Variants in TTC28 observed in about 807,000 individuals in gnomAD.
The protein encoded by TTC28 is tetratricopeptide repeat domain 28.
A neutral mutation model predicts 198.0 loss-of-function variants in TTC28; 61 were observed. The observed-to-expected ratio is 0.31, with a 90% CI of 0.25 to 0.38. The LOEUF is 0.38. Ranked by LOEUF, TTC28 falls within the 10% of genes least tolerant of loss-of-function variation. The pLI, the probability that TTC28 is intolerant of heterozygous loss-of-function variation, is 1.00. For missense variants in TTC28, 2,678 were observed against 3,164.0 expected, an observed-to-expected ratio of 0.85 and a Z score of 3.69; for synonymous variants, 1,171 against 1,297.8, an observed-to-expected ratio of 0.90 and a Z score of 2.10.
intron 12 of TTC28, among the ~76,000 whole-genome samples, chr22:28,031,300 C>CA (rs1347366391): frequency 1.3e-5 from 2 of 152,172 alleles, no homozygotes; most frequent in Admixed American, 1.3e-4. Context: ...GTTGAGCCCT[C>CA]ACCTATCCTA....
intron 2 of TTC28, among the ~76,000 whole-genome samples, chr22:28,389,840 C>T (rs2046685123): frequency 6.6e-6 from 1 of 151,570 alleles, no homozygotes; most frequent in Non-Finnish European, 1.5e-5. Context: ...GTCTCTATTA[C>T]CTTCAGTTCT....
chr22:28,582,854 G>T (rs1196174310), intron 2 of TTC28, among the ~76,000 whole-genome samples: 8 of 152,150 alleles, frequency 5.3e-5, no homozygotes, highest in Admixed American at 5.2e-4. Flanking sequence ...AATGAGAAAT[G>T]ATCAGTATAA....
At chr22:28,636,050 T>A (rs2051264516) in intron 1 of TTC28, among the ~76,000 whole-genome samples, 1 of 151,970 alleles carries the variant, frequency 6.6e-6, no homozygotes, top group Non-Finnish European at 1.5e-5. Context: ...GATCATACAG[T>A]ATTTGTCTTT....
At chr22:28,149,690 TCTC>T (rs1176290326) in intron 6 of TTC28, among the ~76,000 whole-genome samples, 5 of 152,084 alleles carry the variant, frequency 3.3e-5, no homozygotes. Context: ...GGAGCTATCA[TCTC>T]CTATGATAAC....
chr22:28,565,010 T>G (rs562621255), intron 2 of TTC28, among the ~76,000 whole-genome samples: 1 of 151,568 alleles, frequency 6.6e-6, no homozygotes, highest in African/African-American at 2.4e-5. Context: ...GGAAGGGAAG[T>G]TGACCAATAG....
At chr22:28,063,724 C>T (rs1437427991) in intron 12 of TTC28, among the ~76,000 whole-genome samples, 1 of 152,052 alleles carries the variant, frequency 6.6e-6, no homozygotes, top group Non-Finnish European at 1.5e-5. Context: ...ACTCCAACTT[C>T]CCATCCACAC....
intron 17 of TTC28, among the ~76,000 whole-genome samples, chr22:27,995,424 C>T (rs548714420): frequency 7.2e-5 from 11 of 152,330 alleles, no homozygotes; most frequent in African/African-American, 2.6e-4. Context: ...TGATTTGAAA[C>T]GGCCTTCCAG....
intron 2 of TTC28, among the ~76,000 whole-genome samples, chr22:28,314,492 C>A (rs976619602): frequency 2.0e-5 from 3 of 152,292 alleles, no homozygotes; most frequent in Middle Eastern, 3.4e-3. Context: ...ACCAAAACAG[C>A]ATGGTACTGG....
At chr22:28,623,243 C>A (rs1421102898) in intron 2 of TTC28, among the ~76,000 whole-genome samples, 4 of 152,152 alleles carry the variant, frequency 2.6e-5, no homozygotes, top group African/African-American at 9.7e-5. Flanking sequence ...TGCACCACCA[C>A]ACCCAGGTCA....
intron 5 of TTC28, among the ~76,000 whole-genome samples, chr22:28,290,912 T>TACAC (rs141591446): frequency 6.7e-6 from 1 of 149,606 alleles, no homozygotes; most frequent in African/African-American, 2.5e-5. Context: ...AAAACACACA[T>TACAC]ACACACACAC....
intron 2 of TTC28, among the ~76,000 whole-genome samples, chr22:28,320,718 A>G (rs1474362409): frequency 6.6e-6 from 1 of 152,186 alleles, no homozygotes; most frequent in Non-Finnish European, 1.5e-5. Flanking sequence ...CCAAAAGTCA[A>G]TCTAAGAGAG....
At chr22:28,098,888 G>A (rs1569137604) in intron 10 of TTC28, 27 bp downstream of exon 10, 1 of 1,550,630 alleles carries the variant, frequency 6.4e-7, no homozygotes. Context: ...GCACACGTAA[G>A]CAAGGAGTAA....
intron 2 of TTC28, among the ~76,000 whole-genome samples, chr22:28,575,569 G>C (rs1335158338): frequency 6.6e-6 from 1 of 152,132 alleles, no homozygotes; most frequent in Non-Finnish European, 1.5e-5. Context: ...TTTCGAAAGA[G>C]ATTGCACTGA....
chr22:28,484,516 C>G (rs1290554724), intron 2 of TTC28, among the ~76,000 whole-genome samples: 2 of 152,130 alleles, frequency 1.3e-5, no homozygotes, highest in Non-Finnish European at 2.9e-5. Flanking sequence ...ATTTAGAGCT[C>G]TTCTGATCCC....
intron 1 of TTC28, among the ~76,000 whole-genome samples, chr22:28,632,746 T>C (rs1450196515): frequency 6.6e-6 from 1 of 150,882 alleles, no homozygotes; most frequent in Admixed American, 6.6e-5. Flanking sequence ...ACTGTTAGAT[T>C]CATAAGTAGC....
chr22:28,430,414 C>G (rs911855365), intron 2 of TTC28, among the ~76,000 whole-genome samples: 1 of 152,034 alleles, frequency 6.6e-6, no homozygotes, highest in Non-Finnish European at 1.5e-5. Flanking sequence ...TTTAACAGTA[C>G]TACATAATAT....
chr22:28,271,270 TTGAC>T (rs1034984548), intron 5 of TTC28, among the ~76,000 whole-genome samples: 3 of 152,136 alleles, frequency 2.0e-5, no homozygotes, highest in Admixed American at 1.3e-4. Context: ...TGTATACTCT[TTGAC>T]TGTGTGTTAT....
chr22:28,466,539 A>G (rs1429370890), intron 2 of TTC28, among the ~76,000 whole-genome samples: 1 of 152,184 alleles, frequency 6.6e-6, no homozygotes, highest in Non-Finnish European at 1.5e-5. Flanking sequence ...AGAATGCGAA[A>G]TGTGACTTGG....
chr22:28,144,866 C>A (rs1310230402), intron 6 of TTC28, among the ~76,000 whole-genome samples: 1 of 152,198 alleles, frequency 6.6e-6, no homozygotes, highest in Non-Finnish European at 1.5e-5. Flanking sequence ...CAAAGCACTG[C>A]AAGGTGCAGA....
Sources: gnomAD v4.1 joint callset for allele counts (sites outside exome capture counted in the v4.1 genomes callset) on GRCh38, gnomAD v4.1.1 for gene constraint, MANE v1.5 for transcripts, NCBI Gene and HGNC (gene_info 2026-07-23, HGNC 2026-07-21) for gene names.